PRMT3: variants seen among roughly 807,000 people sequenced by gnomAD.
PRMT3 encodes protein arginine methyltransferase 3.
PRMT3 carries 62 observed loss-of-function variants against 71.9 expected under a neutral mutation model. The observed-to-expected ratio is 0.86, with a 90% CI of 0.70 to 1.07. PRMT3 has a LOEUF of 1.07. PRMT3 is among the 50% of genes least tolerant of loss of function. The pLI is 0.00. For missense variants in PRMT3, 663 were observed against 643.0 expected (o/e 1.03, Z -0.34); for synonymous variants, 213 against 220.4 (o/e 0.97, Z 0.30).
intron 5 of PRMT3, among the ~76,000 whole-genome samples, chr11:20,394,664 A>G (rs1848787122): frequency 6.6e-6 from 1 of 152,182 alleles, no homozygotes; most frequent in African/African-American, 2.4e-5. Context: ...AGCATTTTTA[A>G]CTATAGTCAC....
At chr11:20,442,481 G>T (rs1849930972) in intron 10 of PRMT3, among the ~76,000 whole-genome samples, 1 of 150,442 alleles carries the variant, frequency 6.6e-6, no homozygotes, top group African/African-American at 2.4e-5. Context: ...TTATTTTTGG[G>T]GTTATTTTGA....
intron 10 of PRMT3, among the ~76,000 whole-genome samples, chr11:20,444,055 TTAAATAA>T (rs894682533): frequency 1.3e-5 from 2 of 152,166 alleles, no homozygotes; most frequent in Non-Finnish European, 1.5e-5. Context: ...GGTGATCAAG[TTAAATAA>T]TAGGTAAATT....
At chr11:20,483,056 A>G (rs1850980615) in intron 13 of PRMT3, among the ~76,000 whole-genome samples, 1 of 152,026 alleles carries the variant, frequency 6.6e-6, no homozygotes. Flanking sequence ...AGGGTATATC[A>G]CATCTTCTAT....
chr11:20,401,244 ATGT>A (rs1848941743), intron 7 of PRMT3, among the ~76,000 whole-genome samples: 2 of 152,182 alleles, frequency 1.3e-5, no homozygotes, highest in African/African-American at 4.8e-5. Flanking sequence ...TTCCTGACTG[ATGT>A]TCACTCTGTG....
rs114656283 is a variant in PRMT3 at position 20,470,184 on chromosome 11, A to G, written c.1347+5638A>G. 9.5e-3 allele frequency among the ~76,000 whole-genome samples: 1,451 copies of G among 152,302 alleles called. 30 individuals are homozygous for G. Among genetic ancestry groups the G allele is most frequent in the African/African-American group, 0.034 (1,400 of 41,564 alleles). On this transcript the variant is annotated intron_variant, in intron 13 of 15. Coordinates refer to ENST00000331079, the MANE Select transcript of PRMT3 (RefSeq NM_005788.4). ...TACAACTATAGGCAATGACAACACA[A>G]TGGTATTTATGTATCTAAGCATAGA...
intron 13 of PRMT3, among the ~76,000 whole-genome samples, chr11:20,476,750 TTA>T (rs1445509307): frequency 2.6e-4 from 2 of 7,688 alleles, no homozygotes; most frequent in African/African-American, 1.5e-3. Flanking sequence ...ATTTTCATTT[TTA>T]GAGTTTTTTT....
chr11:20,387,961 G>C lies in PRMT3; in HGVS notation c.29-58G>C. 1 of 1,609,076 alleles carries C rather than the reference G, an allele frequency of 6.2e-7. No individual in the cohort carries two copies. ...GAGAGCCCATCGTCACCTGCTCCTC[G>C]AGCCCCCGGGCCGCACCGGTGTCCG... On this transcript the variant is annotated intron_variant, in intron 1 of 15. Transcript: ENST00000331079. This position sits in a 1 kb window ranked among gnomAD's most constrained non-coding sequence, Gnocchi z 4.3.
chr11:20,492,238 G>A lies in PRMT3; in HGVS notation c.1348-1681G>A, dbSNP rs543659492. Among the ~76,000 whole-genome samples the A allele has an allele frequency of 2.6e-5, 4 of 152,304 alleles. No individual in the cohort carries two copies. In the South Asian group the frequency reaches 6.2e-4, roughly 24 times the overall value. ...CAGGTTACTGCTCTGGGCACTGAGA[G>A]TATAGTGGTGAACAAGACAGGCATA... On this transcript the variant is annotated intron_variant, in intron 13 of 15. Coordinates refer to ENST00000331079, the MANE Select transcript of PRMT3 (RefSeq NM_005788.4).
Position 20,387,754 on chromosome 11 carries a change from C to A in PRMT3, c.8C>A (p.Ser3Ter). The A allele has an allele frequency of 6.5e-7, 1 of 1,541,594 alleles. No homozygotes were observed. The highest frequency in any genetic ancestry group is 8.7e-7 in the Non-Finnish European group (1 of 1,146,176). Residue 3 changes from serine to a stop codon, truncating the protein, a stop_gained, in exon 1 of 16, where the codon TCG becomes TAG. Coordinates refer to ENST00000331079, the MANE Select transcript of PRMT3 (RefSeq NM_005788.4). LOFTEE classifies it high-confidence loss of function. This position sits in a 1 kb window ranked among gnomAD's most constrained non-coding sequence, Gnocchi z 4.3. ...TCTCGGGGCACCACAGCCATGTGCT[C>A]GTTAGCGTCAGGCGCTACCGGTGGG... The part of the protein sequence containing the change: MC[S>*]LASGATGGRG...
chr11:20,477,491 G>C (rs1376678134), intron 13 of PRMT3, among the ~76,000 whole-genome samples: 1 of 151,924 alleles, frequency 6.6e-6, no homozygotes, highest in Non-Finnish European at 1.5e-5. Context: ...TGGAGGTGAA[G>C]GTTCCAATGA....
chr11:20,464,914 T>A (rs1047911770), intron 13 of PRMT3, among the ~76,000 whole-genome samples: 3 of 152,188 alleles, frequency 2.0e-5, no homozygotes, highest in Non-Finnish European at 2.9e-5. Flanking sequence ...GTTTATTTGG[T>A]AGAATATTTT....
chr11:20,449,461 T>C (rs1475703402), intron 10 of PRMT3, among the ~76,000 whole-genome samples: 1 of 152,134 alleles, frequency 6.6e-6, no homozygotes, highest in Non-Finnish European at 1.5e-5. Context: ...AGAGGCAACA[T>C]AAAAGGGTGA....
chr11:20,455,150 G>T (rs189528261), intron 11 of PRMT3, among the ~76,000 whole-genome samples: 25 of 152,172 alleles, frequency 1.6e-4, no homozygotes, highest in Admixed American at 9.2e-4. Flanking sequence ...TGACCAATGG[G>T]TGTTTTTACA....
At chr11:20,430,723 AAGAG>A (rs1354910313) in intron 10 of PRMT3, among the ~76,000 whole-genome samples, 1 of 152,136 alleles carries the variant, frequency 6.6e-6, no homozygotes, top group Non-Finnish European at 1.5e-5. Context: ...TGTATGTAAT[AAGAG>A]CACCTAAAAT....
chr11:20,484,035 T>C (rs901153247), intron 13 of PRMT3, among the ~76,000 whole-genome samples: 6 of 152,226 alleles, frequency 3.9e-5, no homozygotes, highest in African/African-American at 1.4e-4. Flanking sequence ...CTCTTTATCA[T>C]TTAACAAATA....
chr11:20,389,653 TAAAAA>T (rs56308542), intron 2 of PRMT3, 86 bp from the exon 3 acceptor site: 30,852 of 624,660 alleles, frequency 0.049, 13 homozygotes, highest in South Asian at 0.074. Context: ...CCAGCAGAGT[TAAAAA>T]AAAAAAAAAA....
intron 10 of PRMT3, among the ~76,000 whole-genome samples, chr11:20,433,630 GT>G (rs1390424066): frequency 6.6e-6 from 1 of 151,488 alleles, no homozygotes; most frequent in Non-Finnish European, 1.5e-5. Flanking sequence ...TTTTGTTTTT[GT>G]TTTTTTTAAG....
At chr11:20,394,593 T>C (rs1480543110) in intron 5 of PRMT3, among the ~76,000 whole-genome samples, 1 of 152,192 alleles carries the variant, frequency 6.6e-6, no homozygotes, top group Non-Finnish European at 1.5e-5. Flanking sequence ...CATTCCATTT[T>C]TTTATTTTTG....
chr11:20,397,479 C>A, intron 6 of PRMT3, 98 bp from the exon 7 acceptor site: 1 of 1,213,536 alleles, frequency 8.2e-7, no homozygotes, highest in Non-Finnish European at 1.2e-6. Context: ...ACTCATCACA[C>A]TGTACTCCCT....
Sources: gnomAD v4.1 joint callset for allele counts (sites outside exome capture counted in the v4.1 genomes callset) on GRCh38, gnomAD v4.1.1 for gene constraint, Gnocchi (gnomAD v3.1) non-coding constraint, MANE v1.5 for transcripts, NCBI Gene and HGNC (gene_info 2026-07-23, HGNC 2026-07-21) for gene names.